The following NGF variants were observed in gnomAD, a reference collection of about 807,000 sequenced individuals.
NGF encodes the protein nerve growth factor.
In NGF, 4 loss-of-function variants were observed where a neutral mutation model predicts 12.8. That is an observed-to-expected ratio of 0.31 (90% confidence interval 0.15 to 0.72). NGF has a LOEUF of 0.72. Ranked by LOEUF, NGF falls within the 30% of genes least tolerant of loss-of-function variation. The pLI is 0.69. For missense variants in NGF, 283 were observed against 330.8 expected, an observed-to-expected ratio of 0.86 and a Z score of 1.12; for synonymous variants, 140 against 130.0, an observed-to-expected ratio of 1.08 and a Z score of -0.52.
In NGF at chr1:115,325,401, CTGTGCATGTTGTTT is replaced by C. The variant is rs549878098; in HGVS notation, c.-137+12789_-137+12802del. On this transcript the variant is annotated intron_variant, in intron 1 of 2. Transcript: ENST00000369512. ...TGCTTGTCCTGTGCATGTTGTTTTG[CTGTGCATGTTGTTT>C]TGTGCATGTTGTTACTGGCTGCCAG... is the stretch of plus-strand genomic sequence containing the variant. 2.1e-4 allele frequency among the ~76,000 whole-genome samples: 32 copies of C among 151,894 alleles called. 1 individual carries two copies. The South Asian group carries it at 6.0e-3, about 29-fold the overall frequency.
intron 1 of NGF, among the ~76,000 whole-genome samples, chr1:115,308,229 C>G (rs1027470434): frequency 6.6e-6 from 1 of 152,234 alleles, no homozygotes; most frequent in Admixed American, 6.5e-5. Flanking sequence ...TGTGCTTCCA[C>G]TATTCCTCTG....
At position 115,330,991 on chromosome 1, in the gene NGF, A is replaced by C. The variant is rs556650292; in HGVS notation, c.-137+7213T>G. On this transcript the variant is annotated intron_variant, in intron 1 of 2. Coordinates refer to ENST00000369512, the MANE Select transcript of NGF (RefSeq NM_002506.3). Reference sequence around the variant, plus strand: ...ACAGGCCTCGGGGAGAAGCAAGAAGAGGGCAGCAGAGGAGAAAAATAACCC... The same window carrying C: ...ACAGGCCTCGGGGAGAAGCAAGAAGCGGGCAGCAGAGGAGAAAAATAACCC... 2.0e-5 allele frequency among the ~76,000 whole-genome samples: 3 copies of C among 152,250 alleles called. No individual in the cohort carries two copies. The East Asian group carries it at 5.8e-4, about 29-fold the overall frequency.
chr1:115,337,265 T>TG (rs1557950755), intron 1 of NGF, among the ~76,000 whole-genome samples: 2 of 81,816 alleles, frequency 2.4e-5, no homozygotes, highest in Non-Finnish European at 4.3e-5. Context: ...TGTTTTGTTT[T>TG]TGTTTTTTTT....
intron 1 of NGF, among the ~76,000 whole-genome samples, chr1:115,337,274 T>TG (rs1557950844): frequency 5.8e-5 from 4 of 69,462 alleles, no homozygotes; most frequent in Admixed American, 1.7e-4. Context: ...TTTGTTTTTT[T>TG]TTTTTTTTTT....
At chr1:115,325,136 T>C (rs995276361) in intron 1 of NGF, among the ~76,000 whole-genome samples, 4 of 152,118 alleles carry the variant, frequency 2.6e-5, no homozygotes, top group African/African-American at 4.8e-5. Context: ...AAGCTAACCA[T>C]GTGAAGATCT....
chr1:115,304,313 C>T lies in NGF; in HGVS notation c.-136-10563G>A, dbSNP rs374583051. 4.5e-5 allele frequency among the ~76,000 whole-genome samples: 5 copies of T among 111,976 alleles called. No homozygotes were observed. In the South Asian group the frequency reaches 1.5e-3, roughly 33 times the overall value. 73.5% of individuals were successfully genotyped at this position (111,976 alleles called of 152,430 possible). A position where few individuals can be genotyped will look rare whatever the true frequency, so the allele number is the denominator to read the frequency against. ...GAGTAGCTGGGATTACAGGAGCGCA[C>T]CACCATGCTTGGCTAATTTTTTTTT... On this transcript the variant is annotated intron_variant, in intron 1 of 2. Coordinates refer to ENST00000369512, the MANE Select transcript of NGF (RefSeq NM_002506.3).
At chr1:115,298,432 T>A (rs1653936816) in intron 1 of NGF, among the ~76,000 whole-genome samples, 1 of 152,058 alleles carries the variant, frequency 6.6e-6, no homozygotes, top group African/African-American at 2.4e-5. Flanking sequence ...GAGAGGGGAT[T>A]CAGGGGAATA....
intron 1 of NGF, among the ~76,000 whole-genome samples, chr1:115,301,012 A>G (rs1023029273): frequency 6.6e-6 from 1 of 152,198 alleles, no homozygotes; most frequent in Admixed American, 6.5e-5. Context: ...TCAGGAGGAA[A>G]GGTCAGGAGA....
chr1:115,327,590 T>C (rs1654811672), intron 1 of NGF, among the ~76,000 whole-genome samples: 1 of 152,244 alleles, frequency 6.6e-6, no homozygotes, highest in Non-Finnish European at 1.5e-5. Flanking sequence ...GAAACATTCT[T>C]AGTGGTGTGT....
intron 2 of NGF, among the ~76,000 whole-genome samples, chr1:115,291,204 T>A (rs140196883): frequency 3.1e-4 from 47 of 152,268 alleles, no homozygotes; most frequent in Admixed American, 5.2e-4. Flanking sequence ...AATTTACTCA[T>A]GAGAGTGTGT....
intron 1 of NGF, among the ~76,000 whole-genome samples, chr1:115,300,494 G>A (rs1654003025): frequency 1.3e-5 from 2 of 152,208 alleles, no homozygotes; most frequent in Admixed American, 1.3e-4. Flanking sequence ...CTGCATCCAA[G>A]AAAACATGGA....
At chr1:115,329,573 A>T (rs1654859392) in intron 1 of NGF, among the ~76,000 whole-genome samples, 1 of 152,196 alleles carries the variant, frequency 6.6e-6, no homozygotes, top group Admixed American at 6.5e-5. Context: ...GTATATGTAC[A>T]TACATACAGT....
At chr1:115,313,243 T>C (rs551939172) in intron 1 of NGF, among the ~76,000 whole-genome samples, 1 of 152,208 alleles carries the variant, frequency 6.6e-6, no homozygotes, top group African/African-American at 2.4e-5. Flanking sequence ...ACTACTTTGG[T>C]CTGTTGTAAT....
chr1:115,294,809 G>A (rs1298765832), intron 1 of NGF, among the ~76,000 whole-genome samples: 1 of 152,152 alleles, frequency 6.6e-6, no homozygotes, highest in Admixed American at 6.5e-5. Context: ...GAAGTAACGA[G>A]ACCTAGAAAA....
chr1:115,328,354 G>C (rs979621247), intron 1 of NGF, among the ~76,000 whole-genome samples: 17 of 152,128 alleles, frequency 1.1e-4, no homozygotes, highest in African/African-American at 3.9e-4. Flanking sequence ...TCTTGGTGTG[G>C]GTCACTCTTT....
chr1:115,324,938 C>T (rs1418464331), intron 1 of NGF, among the ~76,000 whole-genome samples: 1 of 152,136 alleles, frequency 6.6e-6, no homozygotes, highest in Non-Finnish European at 1.5e-5. Flanking sequence ...CAGCAAAGTT[C>T]CTGCCCTCAT....
At chr1:115,292,154 G>A (rs1275757746) in intron 2 of NGF, among the ~76,000 whole-genome samples, 11 of 152,204 alleles carry the variant, frequency 7.2e-5, no homozygotes, top group Admixed American at 7.2e-4. Context: ...TGGAGCTGGT[G>A]TGGAGTGTGG....
chr1:115,298,584 G>A (rs902183660), intron 1 of NGF, among the ~76,000 whole-genome samples: 6 of 151,772 alleles, frequency 4.0e-5, no homozygotes, highest in Non-Finnish European at 7.4e-5. Context: ...AGGGGGCTGC[G>A]GCTGCCCTGG....
chr1:115,306,948 G>A (rs531092979), intron 1 of NGF, among the ~76,000 whole-genome samples: 21 of 152,312 alleles, frequency 1.4e-4, no homozygotes, highest in South Asian at 2.1e-4. Flanking sequence ...TATTGGTACC[G>A]ATGATTGATG....
Sources: gnomAD v4.1 joint callset for allele counts (sites outside exome capture counted in the v4.1 genomes callset) on GRCh38, gnomAD v4.1.1 for gene constraint, MANE v1.5 for transcripts, NCBI Gene and HGNC (gene_info 2026-07-23, HGNC 2026-07-21) for gene names.